The following SUPT3H variants were observed in gnomAD, a reference collection of about 807,000 sequenced individuals.
SUPT3H encodes the protein SPT3 homolog, SAGA and STAGA complex component, also known as transcription initiation protein SPT3 homolog.
A neutral mutation model predicts 44.3 loss-of-function variants in SUPT3H; 44 were observed. The ratio of observed to expected loss-of-function variants is 0.99; its 90% CI spans 0.78 to 1.28. The LOEUF (loss-of-function observed/expected upper bound fraction) is 1.28, where lower values mean the gene tolerates loss of function less well. SUPT3H is among the 50% of genes most tolerant of loss of function. SUPT3H has a pLI of 0.00. For synonymous variants in SUPT3H, 124 were observed against 125.6 expected (o/e 0.99, Z 0.09); for missense variants, 380 against 387.1 (o/e 0.98, Z 0.15).
intron 2 of SUPT3H, among the ~76,000 whole-genome samples, chr6:45,106,957 T>C (rs922462433): frequency 3.3e-5 from 5 of 152,210 alleles, no homozygotes; most frequent in Non-Finnish European, 7.4e-5. Context: ...AAGAGCCACA[T>C]AGAAAGGTAT....
chr6:44,938,267 GGGAC>G (rs1190989551), intron 9 of SUPT3H, among the ~76,000 whole-genome samples: 1 of 151,764 alleles, frequency 6.6e-6, no homozygotes, highest in East Asian at 1.9e-4. Context: ...TAAGAGATAG[GGGAC>G]CAGTTTCATT....
intron 3 of SUPT3H, among the ~76,000 whole-genome samples, chr6:45,076,758 T>G (rs991328677): frequency 1.3e-5 from 2 of 152,202 alleles, no homozygotes; most frequent in Non-Finnish European, 2.9e-5. Flanking sequence ...TCTTACAATC[T>G]GCTTGAAAGA....
intron 2 of SUPT3H, among the ~76,000 whole-genome samples, chr6:45,290,090 C>T (rs866757983): frequency 6.6e-6 from 1 of 151,814 alleles, no homozygotes; most frequent in South Asian, 2.1e-4. Flanking sequence ...TGAGGTGGGG[C>T]AATCGCTTAA....
chr6:44,881,331 G>A (rs935084240), intron 10 of SUPT3H, among the ~76,000 whole-genome samples: 2 of 152,114 alleles, frequency 1.3e-5, no homozygotes, highest in African/African-American at 2.4e-5. Context: ...GCAACAAGAA[G>A]AGCTAACTAT....
intron 3 of SUPT3H, among the ~76,000 whole-genome samples, chr6:45,065,743 T>A (rs1793174749): frequency 6.6e-6 from 1 of 151,456 alleles, no homozygotes; most frequent in Non-Finnish European, 1.5e-5. Flanking sequence ...ACATACACTC[T>A]CCCAAGACTA....
At position 44,828,460 on chromosome 6, in the gene SUPT3H, AT is replaced by A. The variant is rs1293863251; in HGVS notation, c.*1355del. On this transcript the variant is annotated 3_prime_UTR_variant, in exon 11 of 11. Coordinates refer to ENST00000371459, the MANE Select transcript of SUPT3H (RefSeq NM_003599.4). ...GGCATAATAATATTAACTGAGCCTC[AT>A]AATTCTTTGAGTCTGATGGTTTTCA... 6.6e-6 allele frequency among the ~76,000 whole-genome samples: 1 copy of A among 152,212 alleles called. No individual in the cohort carries two copies. Among genetic ancestry groups the A allele is most frequent in the African/African-American group, 2.4e-5 (1 of 41,476 alleles).
chr6:44,891,762 AT>A (rs1486445745), intron 10 of SUPT3H, among the ~76,000 whole-genome samples: 1 of 151,974 alleles, frequency 6.6e-6, no homozygotes, highest in East Asian at 1.9e-4. Flanking sequence ...ATTTTTTATT[AT>A]GTATATTTTA....
chr6:45,297,223 T>C (rs992767851), intron 2 of SUPT3H, among the ~76,000 whole-genome samples: 3 of 152,188 alleles, frequency 2.0e-5, no homozygotes, highest in Admixed American at 6.5e-5. Flanking sequence ...CTACCTGTCA[T>C]TGTTAACTAA....
rs375845474 is a variant in SUPT3H, at chr6:44,875,110, C to A, written c.913-45253G>T. The stretch of plus-strand genomic sequence containing the variant: ...TTTACAGATTCAATGCCATCCCCAT[C>A]AAGCTACCAATGACTTTCTTCACAG... On this transcript the variant is annotated intron_variant, in intron 10 of 10. Coordinates refer to ENST00000371459, the MANE Select transcript of SUPT3H (RefSeq NM_003599.4). Among the ~76,000 whole-genome samples the A allele has an allele frequency of 8.1e-4, 15 of 18,608 alleles. 1 individual carries two copies. Among genetic ancestry groups the A allele is most frequent in the East Asian group, 6.0e-3 (3 of 500 alleles). The allele number at this position is 18,608 out of a possible 152,430, so 12.2% of individuals were successfully genotyped here. A position where few individuals can be genotyped will look rare whatever the true frequency, so the allele number is the denominator to read the frequency against.
Position 45,233,133 on chromosome 6 carries a change from G to T in SUPT3H, c.102-127127C>A, listed in dbSNP as rs560667810. Reference sequence around the variant, plus strand: ...ACGCGCTTTAGTTTTCTTTGTACAAGAGGCTGTCTTTGGTGTGCTGCACTG... The same window carrying T: ...ACGCGCTTTAGTTTTCTTTGTACAATAGGCTGTCTTTGGTGTGCTGCACTG... On this transcript the variant is annotated intron_variant, in intron 2 of 10. Transcript: ENST00000371459. 5.3e-5 allele frequency among the ~76,000 whole-genome samples: 8 copies of T among 152,292 alleles called. No homozygotes were observed. In the South Asian group the frequency reaches 1.7e-3, roughly 32 times the overall value.
At chr6:45,033,130 A>G (rs1787195252) in intron 3 of SUPT3H, among the ~76,000 whole-genome samples, 1 of 152,268 alleles carries the variant, frequency 6.6e-6, no homozygotes, top group Non-Finnish European at 1.5e-5. Flanking sequence ...GTTAAGAAGA[A>G]CAAGTAAGGG....
intron 2 of SUPT3H, among the ~76,000 whole-genome samples, chr6:45,300,139 T>C (rs1332373729): frequency 6.6e-6 from 1 of 152,236 alleles, no homozygotes; most frequent in Admixed American, 6.5e-5. Flanking sequence ...AGCTTAATAC[T>C]GTATACTTCT....
downstream of SUPT3H, among the ~76,000 whole-genome samples, chr6:44,822,108 C>G (rs1290337104): frequency 6.6e-6 from 1 of 152,154 alleles, no homozygotes; most frequent in Non-Finnish European, 1.5e-5. Flanking sequence ...TTTATTGAAT[C>G]TACAGATAAT....
chr6:45,164,529 G>A (rs959038494), intron 2 of SUPT3H, among the ~76,000 whole-genome samples: 7 of 152,052 alleles, frequency 4.6e-5, no homozygotes, highest in African/African-American at 1.2e-4. Context: ...TGAGTGCTTC[G>A]TTAGTCAACC....
intron 3 of SUPT3H, chr6:45,098,665 C>A: frequency 3.0e-6 from 1 of 336,190 alleles, no homozygotes; most frequent in Non-Finnish European, 5.8e-6. Context: ...GGGCTTCAAT[C>A]ATGCCCCATC....
intron 9 of SUPT3H, among the ~76,000 whole-genome samples, chr6:44,940,954 G>A (rs916825867): frequency 1.3e-5 from 2 of 152,018 alleles, no homozygotes; most frequent in African/African-American, 4.8e-5. Context: ...TGTCTTTATA[G>A]GTAAAGTGAG....
chr6:44,846,133 C>T (rs1771840811), intron 10 of SUPT3H, among the ~76,000 whole-genome samples: 1 of 152,188 alleles, frequency 6.6e-6, no homozygotes, highest in African/African-American at 2.4e-5. Flanking sequence ...GCGAGCCACA[C>T]CCCCACTGCA....
chr6:44,922,809 G>A (rs1190141767), intron 10 of SUPT3H, among the ~76,000 whole-genome samples: 3 of 152,074 alleles, frequency 2.0e-5, no homozygotes, highest in Non-Finnish European at 4.4e-5. Context: ...CTTTAAAGAA[G>A]TTTCTTGCCA....
intron 3 of SUPT3H, among the ~76,000 whole-genome samples, chr6:45,032,949 G>A (rs945709531): frequency 3.3e-5 from 5 of 152,280 alleles, no homozygotes; most frequent in Non-Finnish European, 4.4e-5. Flanking sequence ...CTGAGTTGTA[G>A]GCAGATGTAG....
Sources: allele counts gnomAD v4.1 joint callset (sites outside exome capture counted in the v4.1 genomes callset), GRCh38; gene constraint gnomAD v4.1.1; transcripts MANE v1.5; gene names NCBI Gene and HGNC (gene_info 2026-07-23, HGNC 2026-07-21).